Variants in AMPH observed in about 807,000 individuals in gnomAD.
AMPH encodes the protein amphiphysin (Stiff-Mann syndrome with breast cancer 128kD autoantigen).
In AMPH, 49 loss-of-function variants were observed where a neutral mutation model predicts 99.1. That is an observed-to-expected ratio of 0.49 (90% CI 0.39 to 0.63). The LOEUF (loss-of-function observed/expected upper bound fraction) is 0.63. Among genes scored for constraint, AMPH ranks in the 20% least tolerant of loss-of-function variants. AMPH has a pLI of 0.00. For missense variants in AMPH, 759 were observed against 863.4 expected, an observed-to-expected ratio of 0.88 and a Z score of 1.52; for synonymous variants, 314 against 317.3, an observed-to-expected ratio of 0.99 and a Z score of 0.11.
intron 7 of AMPH, among the ~76,000 whole-genome samples, chr7:38,467,640 A>ATGTGTGTATGTGTG (rs1554342025): frequency 9.4e-5 from 14 of 148,730 alleles, no homozygotes; most frequent in African/African-American, 3.5e-4. Context: ...CAATGGAAAT[A>ATGTGTGTATGTGTG]TGTGTGTGTG....
intron 1 of AMPH, among the ~76,000 whole-genome samples, chr7:38,629,300 G>C (rs1015335011): frequency 6.6e-6 from 1 of 152,182 alleles, no homozygotes; most frequent in Non-Finnish European, 1.5e-5. Context: ...CCCTGGGGAA[G>C]AGCCTATACT....
intron 17 of AMPH, among the ~76,000 whole-genome samples, chr7:38,412,265 C>G (rs1031668380): frequency 2.6e-5 from 4 of 152,126 alleles, no homozygotes; most frequent in Non-Finnish European, 4.4e-5. Flanking sequence ...AAGTACATGC[C>G]AAAAGTAATA....
At chr7:38,496,498 A>T (rs929167224) in intron 3 of AMPH, among the ~76,000 whole-genome samples, 1 of 152,158 alleles carries the variant, frequency 6.6e-6, no homozygotes, top group Non-Finnish European at 1.5e-5. Context: ...TAGGAAAAAA[A>T]CAGTATGACT....
At chr7:38,417,753 T>C in intron 17 of AMPH, 72 bp downstream of exon 17, 4 of 1,575,882 alleles carry the variant, frequency 2.5e-6, no homozygotes, top group Non-Finnish European at 3.4e-6. Context: ...ATGAGAGCGA[T>C]GCATATGGTC....
intron 1 of AMPH, among the ~76,000 whole-genome samples, chr7:38,550,557 T>C (rs893242065): frequency 6.6e-6 from 1 of 152,222 alleles, no homozygotes; most frequent in African/African-American, 2.4e-5. Context: ...AAATTATTTT[T>C]ATAGATTTTG....
intron 1 of AMPH, among the ~76,000 whole-genome samples, chr7:38,538,469 G>A (rs1447195662): frequency 6.6e-6 from 1 of 152,206 alleles, no homozygotes; most frequent in African/African-American, 2.4e-5. Flanking sequence ...ATGATAGGCA[G>A]AGGACAGATT....
At chr7:38,532,920 G>T (rs1790466607) in intron 2 of AMPH, among the ~76,000 whole-genome samples, 1 of 152,184 alleles carries the variant, frequency 6.6e-6, no homozygotes, top group Non-Finnish European at 1.5e-5. Context: ...GCTCCATGGG[G>T]ACATGCCAGA....
At chr7:38,514,860 G>A (rs1180824825) in intron 2 of AMPH, among the ~76,000 whole-genome samples, 1 of 152,208 alleles carries the variant, frequency 6.6e-6, no homozygotes, top group African/African-American at 2.4e-5. Flanking sequence ...AAGTGGGGCT[G>A]TTGCTATAAC....
At chr7:38,588,569 A>G (rs577599399) in intron 1 of AMPH, among the ~76,000 whole-genome samples, 5 of 152,304 alleles carry the variant, frequency 3.3e-5, no homozygotes, top group East Asian at 3.9e-4. Context: ...CATCAAAATG[A>G]GCCTGTCAAG....
intron 2 of AMPH, among the ~76,000 whole-genome samples, chr7:38,507,711 T>C (rs531807931): frequency 2.2e-4 from 33 of 152,366 alleles, no homozygotes; most frequent in African/African-American, 7.5e-4. Context: ...AACAAAGTTC[T>C]ACACCCTTGA....
chr7:38,493,686 G>C (rs567425368), intron 4 of AMPH, among the ~76,000 whole-genome samples: 1 of 152,104 alleles, frequency 6.6e-6, no homozygotes, highest in Non-Finnish European at 1.5e-5. Flanking sequence ...GCTTGTCTTC[G>C]TGAAGTGAAG....
At chr7:38,444,990 CA>C (rs1786702625) in intron 11 of AMPH, among the ~76,000 whole-genome samples, 1 of 135,842 alleles carries the variant, frequency 7.4e-6, no homozygotes. Context: ...CATATATATA[CA>C]TATATATATA....
At chr7:38,530,160 G>A (rs927523130) in intron 2 of AMPH, among the ~76,000 whole-genome samples, 1 of 152,154 alleles carries the variant, frequency 6.6e-6, no homozygotes, top group Non-Finnish European at 1.5e-5. Context: ...AAGTTTACTT[G>A]CAAAGCACTA....
intron 3 of AMPH, among the ~76,000 whole-genome samples, chr7:38,501,008 T>G (rs998689842): frequency 6.6e-6 from 1 of 152,200 alleles, no homozygotes; most frequent in Non-Finnish European, 1.5e-5. Flanking sequence ...TTCCATTGTA[T>G]AGATGAACTC....
At chr7:38,417,449 T>C (rs532550899) in intron 17 of AMPH, among the ~76,000 whole-genome samples, 1 of 152,326 alleles carries the variant, frequency 6.6e-6, no homozygotes, top group East Asian at 1.9e-4. Context: ...AAGTAATCAA[T>C]ATGTACACAC....
chr7:38,627,919 G>A (rs1246123516), intron 1 of AMPH, among the ~76,000 whole-genome samples: 1 of 152,010 alleles, frequency 6.6e-6, no homozygotes, highest in Non-Finnish European at 1.5e-5. Context: ...CCTGCATGTA[G>A]CAGGATCCTG....
chr7:38,545,904 T>C (rs1013964359), intron 1 of AMPH, among the ~76,000 whole-genome samples: 1 of 152,178 alleles, frequency 6.6e-6, no homozygotes. Flanking sequence ...AAAATAAAAA[T>C]AACCTGATAC....
rs535812611 is a variant in AMPH at position 38,517,305 on chromosome 7, G to T, written c.151-13601C>A. Among the ~76,000 whole-genome samples the T allele has an allele frequency of 9.8e-5, 15 of 152,308 alleles. No homozygotes were observed. The South Asian group carries it at 3.1e-3, about 32-fold the overall frequency. On this transcript the variant is annotated intron_variant, in intron 2 of 20. Coordinates refer to ENST00000356264, the MANE Select transcript of AMPH (RefSeq NM_001635.4). ...CTGGTGGGAGGTGATTGGATCATGG[G>T]GGTGGACTTCCCCCTTGCCATTCTT...
At chr7:38,410,847 T>G (rs1017954909) in intron 17 of AMPH, among the ~76,000 whole-genome samples, 40 of 152,120 alleles carry the variant, frequency 2.6e-4, no homozygotes, top group Non-Finnish European at 8.8e-5. Context: ...AAGCTCAAGG[T>G]TGAGGCTGCA....
Sources: allele counts gnomAD v4.1 joint callset (sites outside exome capture counted in the v4.1 genomes callset), GRCh38; gene constraint gnomAD v4.1.1; transcripts MANE v1.5; gene names NCBI Gene and HGNC (gene_info 2026-07-23, HGNC 2026-07-21).